SS18L2: variants seen among roughly 807,000 people sequenced by gnomAD.
The protein encoded by SS18L2 is SS18-like protein 2.
A neutral mutation model predicts 10.3 loss-of-function variants in SS18L2; 8 were observed. That is an observed-to-expected ratio of 0.78 (90% CI 0.46 to 1.41). SS18L2 has a LOEUF of 1.41. Ranked by LOEUF, SS18L2 falls within the 40% of genes most tolerant of loss-of-function variation. SS18L2 has a pLI of 0.00. For synonymous variants in SS18L2, 41 were observed against 34.6 expected (o/e 1.19, Z -0.65); for missense variants, 100 against 96.2 (o/e 1.04, Z -0.17).
upstream of SS18L2, among the ~76,000 whole-genome samples, chr3:42,589,184 G>A (rs1454973329): frequency 6.6e-6 from 1 of 151,806 alleles, no homozygotes. Flanking sequence ...CAGGAGAATC[G>A]CTTGAACCCG....
At chr3:42,588,159 T>G (rs552280467), upstream of SS18L2, among the ~76,000 whole-genome samples, 49 of 151,756 alleles carry the variant, frequency 3.2e-4, no homozygotes, top group African/African-American at 1.2e-3. Flanking sequence ...ATCCCAGCAC[T>G]TTGGGAGGCC....
Position 42,590,872 on chromosome 3 carries a change from G to T in SS18L2, c.-26G>T, listed in dbSNP as rs773866808. 1.2e-6 allele frequency: 2 copies of T among 1,613,634 alleles called. No homozygotes were observed. The highest frequency in any genetic ancestry group is 1.7e-6 in the Non-Finnish European group (2 of 1,179,652). On this transcript the variant is annotated 5_prime_UTR_variant, in exon 1 of 3. Coordinates refer to ENST00000011691, the MANE Select transcript of SS18L2 (RefSeq NM_001370300.1). Reference sequence around the variant, plus strand: ...CCTATCGTGGGTCGAGTTGCTTGGCGGTCGTGGTTCCGGAGGTTCCTCGGG... The same window carrying T: ...CCTATCGTGGGTCGAGTTGCTTGGCTGTCGTGGTTCCGGAGGTTCCTCGGG...
Position 42,594,494 on chromosome 3 carries a change from A to T in SS18L2, c.219A>T (p.Ser73=). Residue 73 remains serine (S), a synonymous_variant, in exon 3 of 3, where the codon TCA becomes TCT. Coordinates refer to ENST00000011691, the MANE Select transcript of SS18L2 (RefSeq NM_001370300.1). ...CAGATGCCAGTCCAACCAGCACTTC[A>T]AAAGCAATGGAATAATCTTTCAAAA... ...TIADASPTST[S]KAME 6.2e-7 allele frequency: 1 copy of T among 1,613,742 alleles called. No homozygotes were observed. Among genetic ancestry groups the T allele is most frequent in the South Asian group, 1.1e-5 (1 of 91,060 alleles).
chr3:42,590,921 C>A lies in SS18L2; in HGVS notation c.24C>A (p.Asp8Glu), dbSNP rs748891654. Residue 8 changes from aspartate to glutamate, a missense_variant, in exon 1 of 3, where the codon GAC (aspartate) becomes GAA (glutamate). Asp to Glu is a conservative substitution (Grantham distance 45). Transcript: ENST00000011691. MSVAFVP[D>E]WLRGKAEVNQ... ...GGATGTCGGTGGCCTTCGTACCGGA[C>A]TGGCTGAGGGGCAAGGCGGAAGTCA... 5.9e-6 allele frequency: 8 copies of A among 1,358,768 alleles called. No individual in the cohort carries two copies. Among genetic ancestry groups the A allele is most frequent in the African/African-American group, 1.6e-5 (1 of 61,792 alleles). The allele number at this position is 1,358,768 out of a possible 1,614,324, so 84.2% of individuals were successfully genotyped here. A position where few individuals can be genotyped will look rare whatever the true frequency, so the allele number is the denominator to read the frequency against.
upstream of SS18L2, among the ~76,000 whole-genome samples, chr3:42,589,422 G>T (rs1332886003): frequency 6.6e-6 from 1 of 152,158 alleles, no homozygotes; most frequent in Non-Finnish European, 1.5e-5. Context: ...CCCCTTTTTA[G>T]GAGTGTAGGT....
In SS18L2 at chr3:42,596,629, C is replaced by T. The variant is rs181848622; in HGVS notation, c.*2120C>T. Among the ~76,000 whole-genome samples, 33 of 152,338 alleles carry T rather than the reference C, an allele frequency of 2.2e-4. No individual in the cohort carries two copies. The highest frequency in any genetic ancestry group is 7.8e-4 in the Admixed American group (12 of 15,304). ...TAGGCCTGCCTTGTCCCAGGAGTTTCTTCACCTTAATCACAGACCAAATTG... is the reference window on the plus strand; with the variant it reads ...TAGGCCTGCCTTGTCCCAGGAGTTTTTTCACCTTAATCACAGACCAAATTG... On this transcript the variant is annotated 3_prime_UTR_variant, in exon 3 of 3. Coordinates refer to ENST00000011691, the MANE Select transcript of SS18L2 (RefSeq NM_001370300.1).
intron 2 of SS18L2, among the ~76,000 whole-genome samples, chr3:42,592,607 T>C (rs1190453256): frequency 6.6e-6 from 1 of 152,222 alleles, no homozygotes; most frequent in Non-Finnish European, 1.5e-5. Context: ...CTGAATACCT[T>C]AATAGAATAG....
intron 2 of SS18L2, among the ~76,000 whole-genome samples, chr3:42,592,565 T>C (rs1045324148): frequency 2.6e-5 from 4 of 152,356 alleles, no homozygotes; most frequent in Non-Finnish European, 5.9e-5. Flanking sequence ...TCACAATCCC[T>C]ACCCCCTAGA....
chr3:42,594,177 GGGAGACTA>G (rs1704958420), intron 2 of SS18L2, among the ~76,000 whole-genome samples: 3 of 152,320 alleles, frequency 2.0e-5, no homozygotes, highest in African/African-American at 7.2e-5. Flanking sequence ...AGATAGATCT[GGGAGACTA>G]GGTGTCTACT....
upstream of SS18L2, among the ~76,000 whole-genome samples, chr3:42,589,262 CT>C (rs1704729998): frequency 6.6e-6 from 1 of 151,520 alleles, no homozygotes; most frequent in African/African-American, 2.4e-5. Context: ...GAGCGAGACT[CT>C]GTCTCAAAAA....
rs188606585 is a variant in SS18L2, at chr3:42,596,517, T to C, written c.*2008T>C. On this transcript the variant is annotated 3_prime_UTR_variant, in exon 3 of 3. Coordinates refer to ENST00000011691, the MANE Select transcript of SS18L2 (RefSeq NM_001370300.1). ...TGATAAATCATGGACAAATTAAGCC[T>C]GAGTTTGTAAACTCTTTGGATACCA... is the stretch of plus-strand genomic sequence containing the variant. Among the ~76,000 whole-genome samples, 108 of 152,322 alleles carry C rather than the reference T, an allele frequency of 7.1e-4. No homozygotes were observed. The highest frequency in any genetic ancestry group is 3.8e-4 in the Non-Finnish European group (26 of 68,030).
At position 42,595,078 on chromosome 3, in the gene SS18L2, G is replaced by A. The variant is rs544532640; in HGVS notation, c.*569G>A. On this transcript the variant is annotated 3_prime_UTR_variant, in exon 3 of 3. Transcript: ENST00000011691. ...ATAACTGTGAGGACTTAACCATAAAGTATATAAAAACAATACTATTATCAT... is the reference window on the plus strand; with the variant it reads ...ATAACTGTGAGGACTTAACCATAAAATATATAAAAACAATACTATTATCAT... 1 of 152,274 alleles carries A rather than the reference G, an allele frequency of 6.6e-6. No homozygotes were observed. The highest frequency in any genetic ancestry group is 6.5e-5 in the Admixed American group (1 of 15,290). The allele number at this position is 152,274 out of a possible 1,614,324, so 9.4% of individuals were successfully genotyped here. A position where few individuals can be genotyped will look rare whatever the true frequency, so the allele number is the denominator to read the frequency against.
chr3:42,590,891 C>A lies in SS18L2; in HGVS notation c.-7C>A, dbSNP rs371799069. On this transcript the variant is annotated 5_prime_UTR_variant, in exon 1 of 3. Coordinates refer to ENST00000011691, the MANE Select transcript of SS18L2 (RefSeq NM_001370300.1). ...CTTGGCGGTCGTGGTTCCGGAGGTT[C>A]CTCGGGATGTCGGTGGCCTTCGTAC... 3 of 1,591,312 alleles carry A rather than the reference C, an allele frequency of 1.9e-6. No individual in the cohort carries two copies. Among genetic ancestry groups the A allele is most frequent in the South Asian group, 1.1e-5 (1 of 90,794 alleles).
At chr3:42,591,002 G>C in intron 1 of SS18L2, 36 bp downstream of exon 1, 1 of 1,555,978 alleles carries the variant, frequency 6.4e-7, no homozygotes, top group South Asian at 1.2e-5. Context: ...CGGGCGGAGA[G>C]AAGTCGGGAT....
intron 1 of SS18L2, chr3:42,582,304 C>G (rs1001864291): frequency 5.9e-5 from 9 of 152,256 alleles, no homozygotes; most frequent in African/African-American, 1.7e-4. Context: ...CGTCTGGAGG[C>G]GGGGAGGCTC....
Position 42,594,544 on chromosome 3 carries a change from C to A in SS18L2, c.*35C>A. 2 of 1,564,674 alleles carry A rather than the reference C, an allele frequency of 1.3e-6. No homozygotes were observed. The highest frequency in any genetic ancestry group is 1.8e-6 in the Non-Finnish European group (2 of 1,136,268). ...AGCAATAGAATAATCTTCCATTTGG[C>A]TGTCGTGAGGAGTAATTGAATGTAA... is the stretch of plus-strand genomic sequence containing the variant. On this transcript the variant is annotated 3_prime_UTR_variant, in exon 3 of 3. Coordinates refer to ENST00000011691, the MANE Select transcript of SS18L2 (RefSeq NM_001370300.1).
At position 42,595,856 on chromosome 3, in the gene SS18L2, C is replaced by T. The variant is rs995233107; in HGVS notation, c.*1347C>T. On this transcript the variant is annotated 3_prime_UTR_variant, in exon 3 of 3. Transcript: ENST00000011691. ...CCTTAACCTCTGAAAGCTCTGTTTCCTCACCTCTAAAGTGAGGATAATGAA... is the reference window on the plus strand; with the variant it reads ...CCTTAACCTCTGAAAGCTCTGTTTCTTCACCTCTAAAGTGAGGATAATGAA... Among the ~76,000 whole-genome samples, 3 of 152,170 alleles carry T rather than the reference C, an allele frequency of 2.0e-5. No homozygotes were observed. Among genetic ancestry groups the T allele is most frequent in the African/African-American group, 7.2e-5 (3 of 41,424 alleles).
At chr3:42,588,490 A>G (rs1040015465), upstream of SS18L2, among the ~76,000 whole-genome samples, 4 of 152,236 alleles carry the variant, frequency 2.6e-5, no homozygotes, top group African/African-American at 9.6e-5. Context: ...AGCCATAAAC[A>G]TAAAGCCTAC....
chr3:42,591,250 A>AG lies in SS18L2; in HGVS notation c.70-274dup, dbSNP rs2125740143. ...AGTCCCGCTCTGTCGCCCAGGCTGGAGTGCAGTGGTGCATCTTGGCTCACT... is the reference window on the plus strand; with the variant it reads ...AGTCCCGCTCTGTCGCCCAGGCTGGAGGTGCAGTGGTGCATCTTGGCTCACT... On this transcript the variant is annotated intron_variant, in intron 1 of 2. Coordinates refer to ENST00000011691, the MANE Select transcript of SS18L2 (RefSeq NM_001370300.1). The AG allele has an allele frequency of 1.8e-5, 10 of 546,530 alleles. 1 individual carries two copies. Among genetic ancestry groups the AG allele is most frequent in the Non-Finnish European group, 3.2e-5 (10 of 313,434 alleles). 33.9% of individuals were successfully genotyped at this position (546,530 alleles called of 1,614,324 possible).
Sources: allele counts gnomAD v4.1 joint callset (sites outside exome capture counted in the v4.1 genomes callset), GRCh38; gene constraint gnomAD v4.1.1; transcripts MANE v1.5; gene names NCBI Gene and HGNC (gene_info 2026-07-23, HGNC 2026-07-21).